Variants in INMT observed in about 807,000 individuals in gnomAD.
INMT encodes the protein indolethylamine N-methyltransferase.
A neutral mutation model predicts 11.5 loss-of-function variants in INMT; 11 were observed. That is an observed-to-expected ratio of 0.95 (90% CI 0.60 to 1.58). The LOEUF is 1.58. INMT is among the 40% of genes most tolerant of loss of function. The probability of loss-of-function intolerance (pLI) is 0.00; values close to 1 mark genes in which losing one functional copy is unlikely to be tolerated. For synonymous variants in INMT, 155 were observed against 142.9 expected (o/e 1.08, Z -0.60); for missense variants, 316 against 336.1 (o/e 0.94, Z 0.47).
At chr7:30,752,808 A>G (rs1786118318) in intron 1 of INMT, among the ~76,000 whole-genome samples, 1 of 152,300 alleles carries the variant, frequency 6.6e-6, no homozygotes, top group Middle Eastern at 3.4e-3. Flanking sequence ...CTCAGACCCC[A>G]AGGACCTCAA....
At chr7:30,753,061 C>T (rs958445961) in intron 1 of INMT, among the ~76,000 whole-genome samples, 3 of 152,172 alleles carry the variant, frequency 2.0e-5, no homozygotes, top group African/African-American at 4.8e-5. Flanking sequence ...AGAGAACAGC[C>T]GGACTGGGTG....
chr7:30,752,362 G>T, intron 1 of INMT, 58 bp downstream of exon 1: 1 of 1,466,538 alleles, frequency 6.8e-7, no homozygotes, highest in African/African-American at 1.4e-5. Context: ...GGATGGGGAT[G>T]GGGAGACGGT....
intron 2 of INMT, among the ~76,000 whole-genome samples, chr7:30,755,193 CAGAG>C (rs951190646): frequency 6.6e-5 from 10 of 152,176 alleles, no homozygotes; most frequent in African/African-American, 2.4e-4. Flanking sequence ...CACATGGAAT[CAGAG>C]AGAGAAAGTT....
rs757254092 is a variant in INMT, at chr7:30,755,468, C to T, written c.409C>T (p.Arg137Trp). 27 of 1,600,698 alleles carry T rather than the reference C, an allele frequency of 1.7e-5. No individual in the cohort carries two copies. The highest frequency in any genetic ancestry group is 1.1e-4 in the African/African-American group (8 of 74,918). ...KEEKLRAAVK[R>W]VLKCDVHLGN... ...GGAGAAGCTGCGGGCAGCGGTGAAGCGGGTGCTCAAGTGCGATGTCCACCT... is the reference window on the plus strand; with the variant it reads ...GGAGAAGCTGCGGGCAGCGGTGAAGTGGGTGCTCAAGTGCGATGTCCACCT... The change falls in exon 3 of 3, where the codon CGG becomes TGG. Residue 137 changes from arginine (R) to tryptophan (W), a missense_variant. Physicochemically the swap from Arg to Trp is moderately radical, Grantham distance 101 (BLOSUM62 -3). Transcript: ENST00000013222.
In INMT at chr7:30,755,754, T is replaced by A. The variant is rs772293503; in HGVS notation, c.695T>A (p.Ile232Asn). 5.0e-6 allele frequency: 8 copies of A among 1,614,170 alleles called. No homozygotes were observed. Among genetic ancestry groups the A allele is most frequent in the South Asian group, 2.2e-5 (2 of 91,080 alleles). ...EQAVLDAGFD[I>N]EQLLHSPQSY... ...GCTGTCCTGGATGCTGGCTTTGACA[T>A]TGAACAGCTCCTACACAGTCCCCAG... is the stretch of plus-strand genomic sequence containing the variant. The change falls in exon 3 of 3, where the codon ATT (isoleucine) becomes AAT (asparagine). Residue 232 changes from isoleucine (I) to asparagine (N), a missense_variant. Transcript: ENST00000013222.
chr7:30,754,311 TCATCCATC>T lies in INMT; in HGVS notation c.362+393_362+400del, dbSNP rs147764304. Among the ~76,000 whole-genome samples, 2 of 151,368 alleles carry T rather than the reference TCATCCATC, an allele frequency of 1.3e-5. No homozygotes were observed. The highest frequency in any genetic ancestry group is 2.4e-5 in the African/African-American group (1 of 41,156). On this transcript the variant is annotated intron_variant, in intron 2 of 2. Transcript: ENST00000013222. This position sits in a 1 kb window ranked among gnomAD's most constrained non-coding sequence, Gnocchi z 4.9. ...TCCGTCCACCCACCGGTTCATCCAT[TCATCCATC>T]CATCCATCCATCCATCCATATTCAT...
At position 30,757,283 on chromosome 7, in the gene INMT, T is replaced by C; in HGVS notation, c.*1432T>C. On this transcript the variant is annotated 3_prime_UTR_variant, in exon 3 of 3. Transcript: ENST00000013222. ...CTGTAAAAGGTAATTGTCCTGCTAA[T>C]GCTGTACAGGGGCTCTTGGGGTTCG... The C allele has an allele frequency of 5.8e-6, 1 of 171,048 alleles. No individual in the cohort carries two copies. Among genetic ancestry groups the C allele is most frequent in the Non-Finnish European group, 1.2e-5 (1 of 80,284 alleles). The allele number at this position is 171,048 out of a possible 1,614,324, so 10.6% of individuals were successfully genotyped here. A position where few individuals can be genotyped will look rare whatever the true frequency, so the allele number is the denominator to read the frequency against.
intron 2 of INMT, among the ~76,000 whole-genome samples, chr7:30,755,210 C>G (rs1176297977): frequency 6.6e-6 from 1 of 152,126 alleles, no homozygotes; most frequent in East Asian, 1.9e-4. Flanking sequence ...AGAAAGTTTC[C>G]TATAATTGTT....
rs371275803 is a variant in INMT at position 30,754,396 on chromosome 7, C to T, written c.362+458C>T. ...CCATCCATCCAGCCAGCCAACTAGC[C>T]GTTCACCTATCCATCCATCTATCCA... On this transcript the variant is annotated intron_variant, in intron 2 of 2. Coordinates refer to ENST00000013222, the MANE Select transcript of INMT (RefSeq NM_006774.5). This position sits in a 1 kb window ranked among gnomAD's most constrained non-coding sequence, Gnocchi z 4.9. Among the ~76,000 whole-genome samples the T allele has an allele frequency of 1.5e-4, 23 of 150,962 alleles. No homozygotes were observed. Among genetic ancestry groups the T allele is most frequent in the African/African-American group, 3.2e-4 (13 of 41,050 alleles).
chr7:30,752,713 C>G (rs1162160628), intron 1 of INMT, among the ~76,000 whole-genome samples: 1 of 152,122 alleles, frequency 6.6e-6, no homozygotes, highest in Non-Finnish European at 1.5e-5. Context: ...GAGTGTGCAG[C>G]CTAGATGTGT....
chr7:30,756,421 T>TTTTTTTTTTTTTA lies in INMT; in HGVS notation c.*570_*571insTTTTTTTTTTTTA, dbSNP rs1554357937. ...CAGCTAATTTTTTTTTTTTTTTTTTTATTTGAGACGGAGTTTCGCTCTGTC... is the reference window on the plus strand; with the variant it reads ...CAGCTAATTTTTTTTTTTTTTTTTTTTTTTTTTTTTTTAATTTGAGACGGAGTTTCGCTCTGTC... On this transcript the variant is annotated 3_prime_UTR_variant, in exon 3 of 3. Coordinates refer to ENST00000013222, the MANE Select transcript of INMT (RefSeq NM_006774.5). 112 of 155,188 alleles carry TTTTTTTTTTTTTA rather than the reference T, an allele frequency of 7.2e-4. 3 individuals are homozygous for TTTTTTTTTTTTTA. Among genetic ancestry groups the TTTTTTTTTTTTTA allele is most frequent in the African/African-American group, 2.8e-3 (109 of 39,134 alleles). 9.6% of individuals were successfully genotyped at this position (155,188 alleles called of 1,614,324 possible). A position where few individuals can be genotyped will look rare whatever the true frequency, so the allele number is the denominator to read the frequency against.
At position 30,755,875 on chromosome 7, in the gene INMT, T is replaced by G; in HGVS notation, c.*24T>G. 1 of 1,590,110 alleles carries G rather than the reference T, an allele frequency of 6.3e-7. No individual in the cohort carries two copies. Among genetic ancestry groups the G allele is most frequent in the Non-Finnish European group, 8.6e-7 (1 of 1,168,614 alleles). On this transcript the variant is annotated 3_prime_UTR_variant, in exon 3 of 3. Transcript: ENST00000013222. Reference sequence around the variant, plus strand: ...GAGCCAGGAGGGCCAGCCAGAGGTCTGGTCAGGCTGTGAGGCCTTGGCCAT... The same window carrying G: ...GAGCCAGGAGGGCCAGCCAGAGGTCGGGTCAGGCTGTGAGGCCTTGGCCAT...
At chr7:30,752,646 C>T (rs1182161666) in intron 1 of INMT, among the ~76,000 whole-genome samples, 5 of 152,174 alleles carry the variant, frequency 3.3e-5, no homozygotes, top group African/African-American at 1.2e-4. Context: ...CTCTGGGGCC[C>T]CCAGAAGGCC....
In INMT at chr7:30,755,937, T is replaced by C. The variant is rs1256370528; in HGVS notation, c.*86T>C. Reference sequence around the variant, plus strand: ...AGAGGGGTGAGGAATGGATACTGTCTAACAGTCTCTGATTTCAACACTAAC... The same window carrying C: ...AGAGGGGTGAGGAATGGATACTGTCCAACAGTCTCTGATTTCAACACTAAC... On this transcript the variant is annotated 3_prime_UTR_variant, in exon 3 of 3. Transcript: ENST00000013222. 2.0e-6 allele frequency: 3 copies of C among 1,490,288 alleles called. No homozygotes were observed. The highest frequency in any genetic ancestry group is 2.7e-6 in the Non-Finnish European group (3 of 1,126,956). 92.3% of individuals were successfully genotyped at this position (1,490,288 alleles called of 1,614,324 possible).
chr7:30,753,977 CCTT>C (rs1237866151), intron 2 of INMT, 39 bp downstream of exon 2: 1 of 1,596,354 alleles, frequency 6.3e-7, no homozygotes, highest in Admixed American at 1.7e-5. Flanking sequence ...TCCCAGTCAA[CCTT>C]CTTTCTCAGA....
In INMT at chr7:30,752,177, T is replaced by C. The variant is rs369592524; in HGVS notation, c.27T>C (p.Asp9=). 1.2e-6 allele frequency: 2 copies of C among 1,613,848 alleles called. No individual in the cohort carries two copies. Among genetic ancestry groups the C allele is most frequent in the African/African-American group, 2.7e-5 (2 of 74,874 alleles). MKGGFTGG[D]EYQKHFLPRD... The stretch of plus-strand genomic sequence containing the variant: ...TGAAGGGTGGCTTCACTGGGGGTGA[T>C]GAGTACCAGAAGCACTTCCTGCCCA... The change falls in exon 1 of 3, where the codon GAT becomes GAC. Residue 9 remains aspartate (D), a synonymous_variant. Coordinates refer to ENST00000013222, the MANE Select transcript of INMT (RefSeq NM_006774.5).
At position 30,755,946 on chromosome 7, in the gene INMT, C is replaced by G; in HGVS notation, c.*95C>G. ...AGGAATGGATACTGTCTAACAGTCTCTGATTTCAACACTAACATTCCATCT... is the reference window on the plus strand; with the variant it reads ...AGGAATGGATACTGTCTAACAGTCTGTGATTTCAACACTAACATTCCATCT... On this transcript the variant is annotated 3_prime_UTR_variant, in exon 3 of 3. Transcript: ENST00000013222. 3 of 1,476,116 alleles carry G rather than the reference C, an allele frequency of 2.0e-6. No homozygotes were observed. The South Asian group carries it at 4.3e-5, about 21-fold the overall frequency. The allele number at this position is 1,476,116 out of a possible 1,614,324, so 91.4% of individuals were successfully genotyped here.
intron 1 of INMT, 119 bp downstream of exon 1, chr7:30,752,423 G>A (rs1562831759): frequency 2.7e-6 from 2 of 745,604 alleles, no homozygotes; most frequent in Admixed American, 2.6e-5. Context: ...ATGGGCTGGG[G>A]GAGCTTCTGG....
intron 2 of INMT, 60 bp from the exon 3 acceptor site, chr7:30,755,362 G>C: frequency 7.0e-7 from 1 of 1,419,178 alleles, no homozygotes; most frequent in Non-Finnish European, 9.5e-7. Context: ...GGTCACAGTG[G>C]ACTGAGAGTT....
Sources: gnomAD v4.1 joint callset for allele counts (sites outside exome capture counted in the v4.1 genomes callset) on GRCh38, gnomAD v4.1.1 for gene constraint, Gnocchi (gnomAD v3.1) non-coding constraint, MANE v1.5 for transcripts, NCBI Gene and HGNC (gene_info 2026-07-23, HGNC 2026-07-21) for gene names.